Variants in NYAP2 observed in about 807,000 individuals in gnomAD.
The protein encoded by NYAP2 is neuronal tyrosine-phosphorylated phosphoinositide-3-kinase adapter 2.
Under a neutral mutation model 50.4 loss-of-function variants are expected in NYAP2, and 23 were observed. The observed-to-expected ratio is 0.46, with a 90% CI of 0.33 to 0.65. The LOEUF is 0.65. Ranked by LOEUF, NYAP2 falls within the 30% of genes least tolerant of loss-of-function variation. NYAP2 has a pLI of 0.02. For synonymous variants in NYAP2, 394 were observed against 365.2 expected, an observed-to-expected ratio of 1.08 and a Z score of -0.90; for missense variants, 885 against 861.0, an observed-to-expected ratio of 1.03 and a Z score of -0.35.
chr2:225,584,714 A>G (rs955131472), intron 5 of NYAP2, among the ~76,000 whole-genome samples: 3 of 152,134 alleles, frequency 2.0e-5, no homozygotes, highest in Non-Finnish European at 4.4e-5. Context: ...TTACCCAGAG[A>G]CTTATGAAAA....
rs141144898 is a variant in NYAP2, at chr2:225,624,538, A to G, written c.1619-2379A>G. 4.1e-3 allele frequency among the ~76,000 whole-genome samples: 631 copies of G among 152,304 alleles called. 10 individuals carry two copies. Among genetic ancestry groups the G allele is most frequent in the African/African-American group, 0.014 (591 of 41,572 alleles). ...TTTCCTAGAGACGGGTCTACTCCCT[A>G]CAAGTGTGACTGGTACCTCATAGGT... On this transcript the variant is annotated intron_variant, in intron 5 of 6. Coordinates refer to ENST00000636099, the Ensembl canonical transcript of NYAP2.
intron 5 of NYAP2, among the ~76,000 whole-genome samples, chr2:225,600,225 T>G (rs1209078069): frequency 6.6e-6 from 1 of 152,078 alleles, no homozygotes. Flanking sequence ...GCTGAGTAAG[T>G]TCCTGAGTGG....
intron 4 of NYAP2, among the ~76,000 whole-genome samples, chr2:225,544,407 C>CT (rs1691532687): frequency 1.3e-5 from 2 of 151,496 alleles, no homozygotes; most frequent in Admixed American, 6.6e-5. Context: ...AAATTTCTTG[C>CT]TTTTTTGTGT....
At chr2:225,466,794 C>G (rs886678357) in intron 3 of NYAP2, among the ~76,000 whole-genome samples, 2 of 152,158 alleles carry the variant, frequency 1.3e-5, no homozygotes, top group Non-Finnish European at 2.9e-5. Flanking sequence ...GGTATTGTTA[C>G]GGCTGCAAAT....
At chr2:225,571,390 C>T (rs1185648651) in intron 4 of NYAP2, among the ~76,000 whole-genome samples, 6 of 152,248 alleles carry the variant, frequency 3.9e-5, no homozygotes, top group Admixed American at 3.3e-4. Flanking sequence ...GAGGACTCTG[C>T]TTCTTCAGCA....
At chr2:225,455,617 A>G (rs1054961435) in intron 3 of NYAP2, among the ~76,000 whole-genome samples, 4 of 152,238 alleles carry the variant, frequency 2.6e-5, no homozygotes. Flanking sequence ...TAAAGTGAGA[A>G]TAAACATGGC....
the NYAP2 span, among the ~76,000 whole-genome samples, chr2:225,689,983 C>T: frequency 6.6e-6 from 1 of 151,982 alleles, no homozygotes; most frequent in Non-Finnish European, 1.5e-5. Context: ...ATTGAAAAGC[C>T]CCTACTATTT....
In NYAP2 at chr2:225,582,485, C is replaced by T. The variant is rs1484918919; in HGVS notation, c.1068C>T (p.Thr356=). The change falls in exon 5 of 7, where the codon ACC becomes ACT. Residue 356 remains threonine, a synonymous_variant. Transcript: ENST00000636099. The surrounding 1 kb of genome is among the most constrained non-coding windows in gnomAD (Gnocchi z 7.0). Reference sequence around the variant, plus strand: ...CCAACTCCGACGAGTCCCCGCTTACCCCTCTGGAGGTCACGAAGCTTCCCG... The same window carrying T: ...CCAACTCCGACGAGTCCCCGCTTACTCCTCTGGAGGTCACGAAGCTTCCCG... 1 of 1,558,166 alleles carries T rather than the reference C, an allele frequency of 6.4e-7. No homozygotes were observed.
At chr2:225,602,682 T>C (rs980862007) in intron 5 of NYAP2, among the ~76,000 whole-genome samples, 2 of 152,220 alleles carry the variant, frequency 1.3e-5, no homozygotes, top group African/African-American at 4.8e-5. Context: ...CTTTTACATA[T>C]GGATATTCAG....
the NYAP2 span, among the ~76,000 whole-genome samples, chr2:225,697,477 A>C: frequency 2.0e-5 from 3 of 151,990 alleles, no homozygotes; most frequent in African/African-American, 2.4e-5. Context: ...TGTGCACTTA[A>C]AATCATTTTG....
chr2:225,643,290 C>A (rs2106267282), intron 6 of NYAP2, among the ~76,000 whole-genome samples: 1 of 152,138 alleles, frequency 6.6e-6, no homozygotes, highest in Middle Eastern at 3.4e-3. Flanking sequence ...TGGTGGTTCC[C>A]AAATCCCTTG....
chr2:225,402,667 A>T (rs926188431), intron 2 of NYAP2, among the ~76,000 whole-genome samples: 1 of 152,016 alleles, frequency 6.6e-6, no homozygotes, highest in Non-Finnish European at 1.5e-5. Context: ...TTTCTGAGAA[A>T]AAAGCAATCA....
intron 5 of NYAP2, among the ~76,000 whole-genome samples, chr2:225,600,660 G>A (rs922223078): frequency 1.3e-5 from 2 of 152,156 alleles, no homozygotes; most frequent in South Asian, 2.1e-4. Flanking sequence ...ACAACCATCA[G>A]TTTCACAATC....
At chr2:225,405,171 A>T (rs1694919376) in intron 2 of NYAP2, among the ~76,000 whole-genome samples, 1 of 152,008 alleles carries the variant, frequency 6.6e-6, no homozygotes, top group African/African-American at 2.4e-5. Context: ...GGATGAACTC[A>T]ATTAAAAGGG....
At chr2:225,643,978 C>A (rs891782752) in intron 6 of NYAP2, among the ~76,000 whole-genome samples, 1 of 148,306 alleles carries the variant, frequency 6.7e-6, no homozygotes, top group African/African-American at 2.5e-5. Context: ...ATGGCTGGGT[C>A]AAATGGTATT....
rs747753634 is a variant in NYAP2, at chr2:225,582,329, G to C, written c.912G>C (p.Leu304Phe). ...GTGCTACTCCCACGGTGCCTGACTT[G>C]GACTTCGCCAAGGCCTCAGTGCCAT... Residue 304 changes from leucine (L) to phenylalanine (F), a missense_variant, in exon 5 of 7, where the codon TTG becomes TTC. Leu to Phe is a conservative substitution (Grantham distance 22). Transcript: ENST00000636099. The surrounding 1 kb of genome is among the most constrained non-coding windows in gnomAD (Gnocchi z 7.0). 6.2e-7 allele frequency: 1 copy of C among 1,613,968 alleles called. No homozygotes were observed.
intron 3 of NYAP2, among the ~76,000 whole-genome samples, chr2:225,503,059 G>A (rs1398929475): frequency 6.6e-6 from 1 of 152,090 alleles, no homozygotes; most frequent in Non-Finnish European, 1.5e-5. Context: ...GGAAGTTCAA[G>A]GCCATTATAT....
intron 3 of NYAP2, among the ~76,000 whole-genome samples, chr2:225,437,602 A>G (rs947873137): frequency 8.5e-5 from 13 of 152,218 alleles, no homozygotes; most frequent in African/African-American, 2.9e-4. Flanking sequence ...TCAGAAAAGA[A>G]GGGCACCTCT....
chr2:225,665,124 A>G, the NYAP2 span, among the ~76,000 whole-genome samples: 2 of 152,184 alleles, frequency 1.3e-5, no homozygotes, highest in African/African-American at 2.4e-5. Flanking sequence ...TAATTTCTCC[A>G]TACATTTTAC....
Sources: gnomAD v4.1 joint callset for allele counts (sites outside exome capture counted in the v4.1 genomes callset) on GRCh38, gnomAD v4.1.1 for gene constraint, Gnocchi (gnomAD v3.1) non-coding constraint, MANE v1.5 for transcripts, NCBI Gene and HGNC (gene_info 2026-07-23, HGNC 2026-07-21) for gene names.